Variants in RUSC2 observed in about 807,000 individuals in gnomAD.
RUSC2 encodes the protein RUN and SH3 domain containing 2.
A neutral mutation model predicts 122.2 loss-of-function variants in RUSC2; 34 were observed. That is an observed-to-expected ratio of 0.28 (90% confidence interval 0.21 to 0.37). RUSC2 has a LOEUF of 0.37. Ranked by LOEUF, RUSC2 falls within the 10% of genes least tolerant of loss-of-function variation. The probability of loss-of-function intolerance (pLI) is 1.00; values close to 1 mark genes in which losing one functional copy is unlikely to be tolerated. For synonymous variants in RUSC2, 784 were observed against 790.0 expected, an observed-to-expected ratio of 0.99 and a Z score of 0.13; for missense variants, 1,747 against 1,952.4, an observed-to-expected ratio of 0.89 and a Z score of 1.98.
chr9:35,496,465 G>A (rs1468683873), intron 1 of RUSC2, among the ~76,000 whole-genome samples: 4 of 152,086 alleles, frequency 2.6e-5, no homozygotes, highest in East Asian at 1.9e-4. Flanking sequence ...CACTTATCCC[G>A]CTCTATCAAG....
chr9:35,492,668 T>C (rs1473430938), intron 1 of RUSC2, among the ~76,000 whole-genome samples: 1 of 124,282 alleles, frequency 8.0e-6, no homozygotes, highest in East Asian at 2.3e-4. Context: ...TTACTCTTTA[T>C]GGTGGTAATA....
At chr9:35,502,737 A>G (rs1416552486) in intron 1 of RUSC2, among the ~76,000 whole-genome samples, 3 of 152,242 alleles carry the variant, frequency 2.0e-5, no homozygotes, top group African/African-American at 7.2e-5. Context: ...TGTTTGAATG[A>G]GCCATAACTT....
chr9:35,491,279 A>C (rs1480516551), intron 1 of RUSC2, among the ~76,000 whole-genome samples: 1 of 152,192 alleles, frequency 6.6e-6, no homozygotes, highest in Non-Finnish European at 1.5e-5. Context: ...ATAAGGTAGA[A>C]AGTAGTTACC....
rs770641544 is a variant in RUSC2, at chr9:35,555,742, C to T, written c.2656+41C>T. 1.1e-5 allele frequency: 17 copies of T among 1,555,452 alleles called. No homozygotes were observed. The highest frequency in any genetic ancestry group is 1.4e-5 in the African/African-American group (1 of 72,412). On this transcript the variant is annotated intron_variant, in intron 3 of 11. Coordinates refer to ENST00000361226, the MANE Select transcript of RUSC2 (RefSeq NM_014806.5). This position sits in a 1 kb window ranked among gnomAD's most constrained non-coding sequence, Gnocchi z 4.6. ...TCTCCCTACCCAACCCGCCACCTCACGCAAGCACTTCCACCACCTCCCCTT... is the reference window on the plus strand; with the variant it reads ...TCTCCCTACCCAACCCGCCACCTCATGCAAGCACTTCCACCACCTCCCCTT...
chr9:35,520,629 T>C (rs533049906), intron 1 of RUSC2, among the ~76,000 whole-genome samples: 2 of 152,262 alleles, frequency 1.3e-5, no homozygotes, highest in South Asian at 4.1e-4. Context: ...GCCCAGGAGC[T>C]AAAAGGAATA....
intron 1 of RUSC2, among the ~76,000 whole-genome samples, chr9:35,510,494 C>T (rs1001625629): frequency 6.6e-6 from 1 of 152,198 alleles, no homozygotes; most frequent in African/African-American, 2.4e-5. Context: ...GCAGCACATT[C>T]CAAAGGCCTA....
Position 35,511,616 on chromosome 9 carries a change from G to A in RUSC2, c.-93+21444G>A, listed in dbSNP as rs561732788. 4.6e-5 allele frequency among the ~76,000 whole-genome samples: 7 copies of A among 152,218 alleles called. 2 individuals carry two copies. In the South Asian group the frequency reaches 1.5e-3, roughly 32 times the overall value. On this transcript the variant is annotated intron_variant, in intron 1 of 11. Coordinates refer to ENST00000361226, the MANE Select transcript of RUSC2 (RefSeq NM_014806.5). Reference sequence around the variant, plus strand: ...TATTTGGTGAAGATTTCAGTTCCTCGAACTTAGTTCAACTCAGTAAACATT... The same window carrying A: ...TATTTGGTGAAGATTTCAGTTCCTCAAACTTAGTTCAACTCAGTAAACATT...
At chr9:35,534,454 AC>A (rs1821483910) in intron 1 of RUSC2, among the ~76,000 whole-genome samples, 1 of 150,812 alleles carries the variant, frequency 6.6e-6, no homozygotes, top group South Asian at 2.1e-4. Context: ...ACACACACAC[AC>A]ACAATCCTTT....
chr9:35,561,058 A>G lies in RUSC2; in HGVS notation c.4310A>G (p.Gln1437Arg), dbSNP rs199744883. The G allele has an allele frequency of 1.1e-4, 180 of 1,614,036 alleles. No homozygotes were observed. The East Asian group carries it at 3.9e-3, about 35-fold the overall frequency. Reference sequence around the variant, plus strand: ...GAGCCAGAGCCCAAGGAGAGCCTGCAGGAGCCACACTCCCCAGCCCTGCCC... The same window carrying G: ...GAGCCAGAGCCCAAGGAGAGCCTGCGGGAGCCACACTCCCCAGCCCTGCCC... The part of the protein sequence containing the change: ...RREPEPKESL[Q>R]EPHSPALPSS... The change falls in exon 11 of 12, where the codon CAG becomes CGG. Residue 1437 changes from glutamine (Q) to arginine (R), a missense_variant. Coordinates refer to ENST00000361226, the MANE Select transcript of RUSC2 (RefSeq NM_014806.5).
chr9:35,515,944 A>G (rs1024479764), intron 1 of RUSC2, among the ~76,000 whole-genome samples: 2 of 137,346 alleles, frequency 1.5e-5, no homozygotes, highest in Non-Finnish European at 3.1e-5. Flanking sequence ...GGTTGTAGTG[A>G]GCCGAGATTG....
chr9:35,494,358 G>A (rs767667333), intron 1 of RUSC2, among the ~76,000 whole-genome samples: 4 of 152,102 alleles, frequency 2.6e-5, no homozygotes, highest in African/African-American at 7.2e-5. Flanking sequence ...CCCTGAGGCA[G>A]GAGGCTGAGG....
intron 1 of RUSC2, among the ~76,000 whole-genome samples, chr9:35,505,169 CTTTTAA>C (rs1292066086): frequency 2.0e-5 from 3 of 152,018 alleles, no homozygotes; most frequent in Non-Finnish European, 4.4e-5. Context: ...ATTTGCTTGC[CTTTTAA>C]TTTTGTTTGT....
At chr9:35,513,936 A>ATATG (rs1821057340) in intron 1 of RUSC2, among the ~76,000 whole-genome samples, 1 of 135,016 alleles carries the variant, frequency 7.4e-6, no homozygotes, top group Non-Finnish European at 1.6e-5. Context: ...ATATATATAT[A>ATATG]TATTACTTTA....
intron 1 of RUSC2, among the ~76,000 whole-genome samples, chr9:35,534,048 T>C (rs1821474957): frequency 6.6e-6 from 1 of 152,206 alleles, no homozygotes; most frequent in Non-Finnish European, 1.5e-5. Flanking sequence ...TTTTCCAAAG[T>C]GGTTGCACCA....
chr9:35,553,042 C>T (rs1198549000), intron 2 of RUSC2, among the ~76,000 whole-genome samples: 2 of 152,160 alleles, frequency 1.3e-5, no homozygotes, highest in Non-Finnish European at 2.9e-5. Flanking sequence ...AGAGTCAGCT[C>T]AGCCTTGAAA....
In RUSC2 at chr9:35,503,709, A is replaced by G. The variant is rs551345590; in HGVS notation, c.-93+13537A>G. ...TTTTCCATAGTGGTTGTACCAGTTT[A>G]CATTCCCAATAGCAGTGTATAAGTG... is the stretch of plus-strand genomic sequence containing the variant. On this transcript the variant is annotated intron_variant, in intron 1 of 11. Transcript: ENST00000361226. 1.8e-4 allele frequency among the ~76,000 whole-genome samples: 26 copies of G among 145,552 alleles called. No homozygotes were observed. In the South Asian group the frequency reaches 5.9e-3, roughly 33 times the overall value.
chr9:35,535,198 C>A (rs1353323906), intron 1 of RUSC2, among the ~76,000 whole-genome samples: 2 of 152,008 alleles, frequency 1.3e-5, no homozygotes, highest in Admixed American at 6.6e-5. Context: ...TCACTGAAAC[C>A]TCCACCTCCT....
At chr9:35,529,137 T>G (rs10758309) in intron 1 of RUSC2, among the ~76,000 whole-genome samples, 117,786 of 152,052 alleles carry the variant, frequency 0.77, 46,683 homozygotes, top group Non-Finnish European at 0.88. Context: ...TAATATTGCA[T>G]TGAACATCAT....
At chr9:35,538,341 T>C (rs1167963452) in intron 1 of RUSC2, among the ~76,000 whole-genome samples, 1 of 152,132 alleles carries the variant, frequency 6.6e-6, no homozygotes, top group Non-Finnish European at 1.5e-5. Flanking sequence ...GCCCCGTCTC[T>C]CTAGGAAGGC....
Sources: allele counts gnomAD v4.1 joint callset (sites outside exome capture counted in the v4.1 genomes callset), GRCh38; gene constraint gnomAD v4.1.1; non-coding constraint Gnocchi (gnomAD v3.1); transcripts MANE v1.5; gene names NCBI Gene and HGNC (gene_info 2026-07-23, HGNC 2026-07-21).